The following NNMT variants were observed in gnomAD, a reference collection of about 807,000 sequenced individuals.
NNMT encodes the protein nicotinamide N-methyltransferase.
A neutral mutation model predicts 11.7 loss-of-function variants in NNMT; 10 were observed. The observed-to-expected ratio is 0.85, with a 90% CI of 0.53 to 1.45. The LOEUF (loss-of-function observed/expected upper bound fraction) is 1.45. NNMT is among the 40% of genes most tolerant of loss of function. The pLI, the probability that NNMT is intolerant of heterozygous loss-of-function variation, is 0.00. For missense variants in NNMT, 381 were observed against 319.4 expected, an observed-to-expected ratio of 1.19 and a Z score of -1.47; for synonymous variants, 143 against 133.8, an observed-to-expected ratio of 1.07 and a Z score of -0.48.
chr11:114,312,120 C>A lies in NNMT; in HGVS notation c.438C>A (p.Ser146Arg), dbSNP rs781544879. Residue 146 changes from serine (S) to arginine (R), a missense_variant, in exon 3 of 3, where the codon AGC becomes AGA. By Grantham distance (110) the Ser-to-Arg change is moderately radical. Coordinates refer to ENST00000299964, the MANE Select transcript of NNMT (RefSeq NM_006169.3). ...TGCTGAAGTGTGATGTGACTCAGAG[C>A]CAGCCACTGGGGGCCGTCCCCTTAC... Reference protein sequence around the residue: ...KQVLKCDVTQSQPLGAVPLPP... With the variant: ...KQVLKCDVTQRQPLGAVPLPP... 1 of 1,613,342 alleles carries A rather than the reference C, an allele frequency of 6.2e-7. No individual in the cohort carries two copies.
chr11:114,258,729 C>T (rs1171730403), intron 1 of NNMT, among the ~76,000 whole-genome samples: 1 of 152,212 alleles, frequency 6.6e-6, no homozygotes, highest in Non-Finnish European at 1.5e-5. Context: ...AACAAAGTTC[C>T]AAGACACCCT....
chr11:114,295,365 G>A (rs1425163487), upstream of NNMT, among the ~76,000 whole-genome samples: 1 of 150,324 alleles, frequency 6.7e-6, no homozygotes, highest in African/African-American at 2.4e-5. Flanking sequence ...CTGAAGCCAA[G>A]CCCCATCCCT....
chr11:114,298,912 C>T (rs1170356780), intron 2 of NNMT, among the ~76,000 whole-genome samples: 1 of 152,222 alleles, frequency 6.6e-6, no homozygotes, highest in Non-Finnish European at 1.5e-5. Flanking sequence ...TTATGCACTT[C>T]CATCTTCTGC....
chr11:114,281,274 C>T (rs558379178), intron 2 of NNMT, among the ~76,000 whole-genome samples: 4 of 152,208 alleles, frequency 2.6e-5, no homozygotes, highest in East Asian at 1.9e-4. Context: ...CCAATCCGTG[C>T]GTTAGGGCCC....
intron 2 of NNMT, among the ~76,000 whole-genome samples, chr11:114,279,692 G>A (rs570015772): frequency 2.0e-5 from 3 of 152,350 alleles, no homozygotes; most frequent in East Asian, 3.9e-4. Flanking sequence ...GCTCAGGCGT[G>A]GCTCTAGGAG....
intron 1 of NNMT, 24 bp downstream of exon 1, chr11:114,296,734 C>T: frequency 6.2e-7 from 1 of 1,612,294 alleles, no homozygotes; most frequent in Non-Finnish European, 8.5e-7. Context: ...CTGCATGTCT[C>T]CCCACTAATG....
chr11:114,271,004 T>C (rs760261698), intron 2 of NNMT, among the ~76,000 whole-genome samples: 4 of 152,142 alleles, frequency 2.6e-5, no homozygotes, highest in Non-Finnish European at 4.4e-5. Context: ...CTTTAACTCC[T>C]AACCTCAAGT....
In NNMT at chr11:114,312,585, C is replaced by A; in HGVS notation, c.*108C>A. ...GAGTAGAGGCTCAGTGGTTGGGGCC[C>A]AATGGTTCATCTAGGACGGGACTAG... On this transcript the variant is annotated 3_prime_UTR_variant, in exon 3 of 3. Transcript: ENST00000299964. The A allele has an allele frequency of 4.5e-6, 5 of 1,115,678 alleles. No individual in the cohort carries two copies. The highest frequency in any genetic ancestry group is 6.5e-6 in the Non-Finnish European group (5 of 773,620). 69.1% of individuals were successfully genotyped at this position (1,115,678 alleles called of 1,614,324 possible).
At chr11:114,301,523 G>C (rs1323659180) in intron 2 of NNMT, among the ~76,000 whole-genome samples, 1 of 152,150 alleles carries the variant, frequency 6.6e-6, no homozygotes, top group Non-Finnish European at 1.5e-5. Flanking sequence ...AATCTTAAAA[G>C]GCTACATGTA....
intron 2 of NNMT, among the ~76,000 whole-genome samples, chr11:114,298,706 A>T (rs111985590): frequency 1.6e-4 from 24 of 152,364 alleles, no homozygotes; most frequent in African/African-American, 5.8e-4. Flanking sequence ...GAATTTATTA[A>T]TCACCATCCA....
intron 2 of NNMT, among the ~76,000 whole-genome samples, chr11:114,266,056 G>A (rs1471019119): frequency 6.6e-6 from 1 of 151,982 alleles, no homozygotes; most frequent in Non-Finnish European, 1.5e-5. Context: ...TCCAGAAGCA[G>A]GTAGCTTTCC....
intron 2 of NNMT, among the ~76,000 whole-genome samples, chr11:114,279,294 T>G (rs1444945131): frequency 1.3e-5 from 2 of 152,152 alleles, no homozygotes; most frequent in Non-Finnish European, 2.9e-5. Context: ...TGAGTAGGCA[T>G]GGGACTCTAC....
chr11:114,262,983 TCA>T (rs746016372), intron 2 of NNMT: 1 of 151,736 alleles, frequency 6.6e-6, no homozygotes, highest in Non-Finnish European at 1.5e-5. Flanking sequence ...AAGGAGGGAG[TCA>T]CAAATGGCAG....
At position 114,267,718 on chromosome 11, in the gene NNMT, C is replaced by T. The variant is rs372087535; in HGVS notation, c.-130+4784C>T. Among the ~76,000 whole-genome samples the T allele has an allele frequency of 7.9e-5, 12 of 152,138 alleles. No homozygotes were observed. The South Asian group carries it at 2.1e-3, about 26-fold the overall frequency. ...CGTTTCTTTTTCCTGTCTTTTGTTT[C>T]TGCTGAAATATTTTAAAGAAAATCC... On this transcript the variant is annotated intron_variant, in intron 2 of 4. Transcript: ENST00000535401.
At chr11:114,283,043 C>T (rs541833924) in intron 2 of NNMT, among the ~76,000 whole-genome samples, 92 of 152,192 alleles carry the variant, frequency 6.0e-4, no homozygotes, top group African/African-American at 2.0e-3. Context: ...GTGGGTGTGC[C>T]GATACAGGGA....
At chr11:114,271,040 G>A (rs145569095) in intron 2 of NNMT, among the ~76,000 whole-genome samples, 1,746 of 152,170 alleles carry the variant, frequency 0.011, 27 homozygotes, top group African/African-American at 0.038. Context: ...GCCTTCCAAA[G>A]TTCTGGGATT....
Position 114,312,487 on chromosome 11 carries a change from C to T in NNMT, c.*10C>T. 1 of 1,608,226 alleles carries T rather than the reference C, an allele frequency of 6.2e-7. No individual in the cohort carries two copies. The highest frequency in any genetic ancestry group is 1.3e-5 in the African/African-American group (1 of 74,966). On this transcript the variant is annotated 3_prime_UTR_variant, in exon 3 of 3. Transcript: ENST00000299964. ...GAGCAGACCCCTGTGATGCCTGTGA[C>T]CTCAATTAAAGCAATTCCTTTGACC... is the stretch of plus-strand genomic sequence containing the variant.
intron 2 of NNMT, among the ~76,000 whole-genome samples, chr11:114,264,430 A>G (rs1165449306): frequency 6.6e-6 from 1 of 152,206 alleles, no homozygotes; most frequent in Admixed American, 6.5e-5. Flanking sequence ...ATCTGAAAAT[A>G]TAGGATTAAC....
In NNMT at chr11:114,297,984, G is replaced by T. The variant is rs773179778; in HGVS notation, c.188G>T (p.Gly63Val). Residue 63 changes from glycine (G) to valine (V), a missense_variant, in exon 2 of 3, where the codon GGC becomes GTC. Coordinates refer to ENST00000299964, the MANE Select transcript of NNMT (RefSeq NM_006169.3). The part of the protein sequence containing the change: ...GVKGDLLIDI[G>V]SGPTIYQLLS... ...AAGGGAGACCTGCTGATTGACATCGGCTCTGGCCCCACTATCTATCAGCTC... is the reference window on the plus strand; with the variant it reads ...AAGGGAGACCTGCTGATTGACATCGTCTCTGGCCCCACTATCTATCAGCTC... 4.3e-6 allele frequency: 7 copies of T among 1,613,294 alleles called. No individual in the cohort carries two copies. The highest frequency in any genetic ancestry group is 2.7e-5 in the African/African-American group (2 of 74,986).
Sources: gnomAD v4.1 joint callset for allele counts (sites outside exome capture counted in the v4.1 genomes callset) on GRCh38, gnomAD v4.1.1 for gene constraint, MANE v1.5 for transcripts, NCBI Gene and HGNC (gene_info 2026-07-23, HGNC 2026-07-21) for gene names.